The following TAOK3 variants were observed in gnomAD, a reference collection of about 807,000 sequenced individuals.
TAOK3 encodes the protein serine/threonine-protein kinase TAO3.
In TAOK3, 40 loss-of-function variants were observed where a neutral mutation model predicts 120.4. That is an observed-to-expected ratio of 0.33 (90% CI 0.26 to 0.43). The LOEUF (loss-of-function observed/expected upper bound fraction) is 0.43, where lower values mean the gene tolerates loss of function less well. Among genes scored for constraint, TAOK3 ranks in the 20% least tolerant of loss-of-function variants. The pLI is 1.00. For synonymous variants in TAOK3, 355 were observed against 387.5 expected, an observed-to-expected ratio of 0.92 and a Z score of 0.99; for missense variants, 821 against 1,112.1, an observed-to-expected ratio of 0.74 and a Z score of 3.72.
intron 11 of TAOK3, among the ~76,000 whole-genome samples, chr12:118,206,643 C>G (rs2038329580): frequency 1.3e-5 from 2 of 151,948 alleles, no homozygotes; most frequent in Non-Finnish European, 2.9e-5. Flanking sequence ...TGTCGCCAGG[C>G]TGGAGTGCAG....
At chr12:118,211,786 T>A (rs1237086890) in intron 11 of TAOK3, among the ~76,000 whole-genome samples, 2 of 152,080 alleles carry the variant, frequency 1.3e-5, no homozygotes, top group Admixed American at 1.3e-4. Flanking sequence ...CAGCTCCACA[T>A]TTTTTCCCCT....
At chr12:118,362,295 A>AC (rs1398619480) in intron 1 of TAOK3, among the ~76,000 whole-genome samples, 6 of 148,760 alleles carry the variant, frequency 4.0e-5, no homozygotes, top group Admixed American at 1.4e-4. Flanking sequence ...AAATACACCA[A>AC]CACTAACAAT....
Position 118,155,061 on chromosome 12 carries a change from T to C in TAOK3, c.2353-2652A>G, listed in dbSNP as rs374507961. Among the ~76,000 whole-genome samples the C allele has an allele frequency of 3.3e-5, 5 of 152,144 alleles. No homozygotes were observed. In the South Asian group the frequency reaches 1.0e-3, roughly 32 times the overall value. On this transcript the variant is annotated intron_variant, in intron 19 of 20. Transcript: ENST00000392533. ...ACCAGGCTAGAGTGCTGTGGTGTGA[T>C]CTCAGCTCACTGCAACCTCCGACTC...
Position 118,372,449 on chromosome 12 carries a change from C to T in TAOK3, c.-194+199G>A, listed in dbSNP as rs1395891523. On this transcript the variant is annotated intron_variant, in intron 1 of 20. Coordinates refer to ENST00000392533, the MANE Select transcript of TAOK3 (RefSeq NM_016281.4). The surrounding 1 kb of genome is among the most constrained non-coding windows in gnomAD (Gnocchi z 4.6). The stretch of plus-strand genomic sequence containing the variant: ...CCCCTCAGACTTTCAGTCTTGGACC[C>T]TCTCGGAGTCCTCTCCACTCAGAGC... Among the ~76,000 whole-genome samples the T allele has an allele frequency of 6.6e-6, 1 of 151,626 alleles. No homozygotes were observed. Among genetic ancestry groups the T allele is most frequent in the African/African-American group, 2.4e-5 (1 of 41,234 alleles).
intron 1 of TAOK3, among the ~76,000 whole-genome samples, chr12:118,328,103 G>T (rs12314138): frequency 0.03 from 4,500 of 151,634 alleles, 191 homozygotes; most frequent in African/African-American, 0.093. Flanking sequence ...GCCCAGGCTG[G>T]AGTGCAGTGG....
intron 1 of TAOK3, among the ~76,000 whole-genome samples, chr12:118,337,340 G>A (rs2044407813): frequency 6.6e-6 from 1 of 152,168 alleles, no homozygotes; most frequent in Admixed American, 6.5e-5. Context: ...CAGCCACTCT[G>A]GAAAATAGTG....
rs190720332 is a variant in TAOK3 at position 118,256,879 on chromosome 12, C to T, written c.-88-1224G>A. ...CTATACCAAAAATCATTCAGTTACA[C>T]ATTTTAAGTGAGCAAAGGGTATAGA... On this transcript the variant is annotated intron_variant, in intron 2 of 20. Coordinates refer to ENST00000392533, the MANE Select transcript of TAOK3 (RefSeq NM_016281.4). 6.3e-4 allele frequency among the ~76,000 whole-genome samples: 96 copies of T among 152,188 alleles called. 2 individuals are homozygous for T. Among genetic ancestry groups the T allele is most frequent in the Non-Finnish European group, 7.1e-4 (48 of 67,998 alleles).
chr12:118,256,141 T>C (rs761238898), intron 2 of TAOK3: 5 of 150,676 alleles, frequency 3.3e-5, no homozygotes, highest in Middle Eastern at 3.5e-3. Flanking sequence ...CAAAAAGATA[T>C]ACAAATGACC....
chr12:118,329,721 T>C (rs1186325387), intron 1 of TAOK3, among the ~76,000 whole-genome samples: 1 of 152,156 alleles, frequency 6.6e-6, no homozygotes, highest in African/African-American at 2.4e-5. Flanking sequence ...ACTGCAAAGC[T>C]AAATAAAAAC....
At chr12:118,302,256 G>A (rs1471149007) in intron 1 of TAOK3, among the ~76,000 whole-genome samples, 1 of 152,160 alleles carries the variant, frequency 6.6e-6, no homozygotes, top group Admixed American at 6.5e-5. Context: ...TGGCAAGAGG[G>A]AAAATTAGGT....
chr12:118,345,807 T>C (rs550415060), intron 1 of TAOK3, among the ~76,000 whole-genome samples: 1 of 152,064 alleles, frequency 6.6e-6, no homozygotes, highest in East Asian at 1.9e-4. Context: ...GAGATATTGA[T>C]TAAGGAGCGA....
At chr12:118,318,981 A>G (rs978302455) in intron 1 of TAOK3, among the ~76,000 whole-genome samples, 1 of 152,216 alleles carries the variant, frequency 6.6e-6, no homozygotes, top group Non-Finnish European at 1.5e-5. Flanking sequence ...ACAGAAAGAC[A>G]GAAGTTGTAT....
chr12:118,262,381 G>T (rs949696039), intron 2 of TAOK3, among the ~76,000 whole-genome samples: 30 of 152,060 alleles, frequency 2.0e-4, no homozygotes, highest in African/African-American at 7.0e-4. Flanking sequence ...TACTCGGGAG[G>T]CTGAGGCAGA....
chr12:118,293,215 T>C (rs1208774680), intron 1 of TAOK3, among the ~76,000 whole-genome samples: 1 of 152,250 alleles, frequency 6.6e-6, no homozygotes, highest in African/African-American at 2.4e-5. Flanking sequence ...ATTTAATTGC[T>C]TTTAAAAAGT....
At chr12:118,275,897 A>G (rs1176834635) in intron 1 of TAOK3, among the ~76,000 whole-genome samples, 1 of 152,204 alleles carries the variant, frequency 6.6e-6, no homozygotes, top group African/African-American at 2.4e-5. Flanking sequence ...TAAGCCCTGA[A>G]GGTCCTGGCA....
intron 1 of TAOK3, among the ~76,000 whole-genome samples, chr12:118,349,739 G>C (rs564023931): frequency 6.6e-6 from 1 of 152,004 alleles, no homozygotes; most frequent in African/African-American, 2.4e-5. Context: ...ATTTAAAAAG[G>C]TAAGTTTTAT....
chr12:118,296,977 T>G (rs959020807), intron 1 of TAOK3: 5 of 152,192 alleles, frequency 3.3e-5, no homozygotes, highest in Admixed American at 1.3e-4. Flanking sequence ...CATGAACTCT[T>G]TCCTTTGCCT....
chr12:118,359,245 A>G (rs1051306429), intron 1 of TAOK3: 4 of 152,208 alleles, frequency 2.6e-5, no homozygotes, highest in African/African-American at 9.6e-5. Context: ...AGAACTCTCT[A>G]AAAATTTTTC....
intron 9 of TAOK3, among the ~76,000 whole-genome samples, chr12:118,215,217 C>G (rs139052799): frequency 1.0e-4 from 14 of 133,854 alleles, no homozygotes; most frequent in African/African-American, 3.8e-4. Context: ...ACAAAATGGC[C>G]GGGCGCGGTG....
Sources: gnomAD v4.1 joint callset for allele counts (sites outside exome capture counted in the v4.1 genomes callset) on GRCh38, gnomAD v4.1.1 for gene constraint, Gnocchi (gnomAD v3.1) non-coding constraint, MANE v1.5 for transcripts, NCBI Gene and HGNC (gene_info 2026-07-23, HGNC 2026-07-21) for gene names.